DCX: variants seen among roughly 807,000 people sequenced by gnomAD.
The protein encoded by DCX is neuronal migration protein doublecortin.
DCX carries 4 observed loss-of-function variants against 20.9 expected under a neutral mutation model. The observed-to-expected ratio is 0.19, with a 90% confidence interval of 0.09 to 0.44. The LOEUF (loss-of-function observed/expected upper bound fraction) is 0.44, where lower values mean the gene tolerates loss of function less well. Ranked by LOEUF, DCX falls within the 20% of genes least tolerant of loss-of-function variation. The pLI, the probability that DCX is intolerant of heterozygous loss-of-function variation, is 0.99. For missense variants in DCX, 133 were observed against 296.9 expected (o/e 0.45, Z 4.06); for synonymous variants, 103 against 111.4 (o/e 0.92, Z 0.47).
In DCX at chrX:111,294,133, ACCAAAAAAGGAGAATG is replaced by A. The variant is rs2095014717; in HGVS notation, c.*7538_*7553del. The A allele has an allele frequency of 8.9e-6, 1 of 111,864 alleles. No individual in the cohort carries two copies. Among genetic ancestry groups the A allele is most frequent in the Admixed American group, 9.5e-5 (1 of 10,518 alleles). The allele number at this position is 111,864 out of a possible 1,213,427, so 9.2% of individuals were successfully genotyped here. On this transcript the variant is annotated 3_prime_UTR_variant, in exon 7 of 7. Coordinates refer to ENST00000636035, the MANE Select transcript of DCX (RefSeq NM_001195553.2). ...CTACCAGTCCAAGTGGGGTCAGCAAACCAAAAAAGGAGAATGCCTCTTGAAATACTGCTTTTGAATC... is the reference window on the plus strand; with the variant it reads ...CTACCAGTCCAAGTGGGGTCAGCAAACCTCTTGAAATACTGCTTTTGAATC...
At chrX:111,347,477 G>A (rs1922933280) in intron 3 of DCX, among the ~76,000 whole-genome samples, 1 of 111,092 alleles carries the variant, frequency 9.0e-6, no homozygotes, top group Non-Finnish European at 1.9e-5. Flanking sequence ...TGCCTTGTGG[G>A]GCTTAGCTAC....
At chrX:111,362,378 T>C (rs962186039) in intron 3 of DCX, among the ~76,000 whole-genome samples, 11 of 111,071 alleles carry the variant, frequency 9.9e-5, no homozygotes, top group African/African-American at 3.6e-4. Context: ...GGAGCAATTA[T>C]GATACAAGAA....
At chrX:111,380,313 G>T (rs1925870555) in intron 3 of DCX, among the ~76,000 whole-genome samples, 1 of 111,406 alleles carries the variant, frequency 9.0e-6, no homozygotes, top group Non-Finnish European at 1.9e-5. Context: ...GCTTACATTT[G>T]GGTCTTTGAT....
intron 3 of DCX, among the ~76,000 whole-genome samples, chrX:111,371,869 A>G (rs1234028836): frequency 1.8e-5 from 2 of 110,698 alleles, no homozygotes; most frequent in African/African-American, 3.3e-5. Flanking sequence ...GAGCTCAAAA[A>G]CTACTATGTA....
At chrX:111,345,227 T>C (rs1922697454) in intron 3 of DCX, among the ~76,000 whole-genome samples, 1 of 112,037 alleles carries the variant, frequency 8.9e-6, no homozygotes, top group African/African-American at 3.2e-5. Context: ...CCTTATATCT[T>C]ACACAAAAAT....
At position 111,362,933 on chromosome X, in the gene DCX, T is replaced by TA. The variant is rs201464776; in HGVS notation, c.706-29781dup. On this transcript the variant is annotated intron_variant, in intron 3 of 6. Coordinates refer to ENST00000636035, the MANE Select transcript of DCX (RefSeq NM_001195553.2). ...ATTCACTAATGAACAAAATAAAAGT[T>TA]AAAAAAAATAGATTTGGCTCCTGTT... Among the ~76,000 whole-genome samples the TA allele has an allele frequency of 3.8e-3, 420 of 111,086 alleles. 3 individuals are homozygous for TA. The highest frequency in any genetic ancestry group is 0.011 in the African/African-American group (351 of 30,564).
At position 111,299,989 on chromosome X, in the gene DCX, GCA is replaced by G. The variant is rs746889422; in HGVS notation, c.*1696_*1697del. 1.0e-4 allele frequency: 11 copies of G among 107,427 alleles called. No individual in the cohort carries two copies. The highest frequency in any genetic ancestry group is 2.9e-4 in the East Asian group (1 of 3,412). The allele number at this position is 107,427 out of a possible 1,213,427, so 8.9% of individuals were successfully genotyped here. A position where few individuals can be genotyped will look rare whatever the true frequency, so the allele number is the denominator to read the frequency against. On this transcript the variant is annotated 3_prime_UTR_variant, in exon 7 of 7. Coordinates refer to ENST00000636035, the MANE Select transcript of DCX (RefSeq NM_001195553.2). Reference sequence around the variant, plus strand: ...TCCTAATTTTGAAGCAGCTGCAGATGCACACACACACACACACATGCACCACC... The same window carrying G: ...TCCTAATTTTGAAGCAGCTGCAGATGCACACACACACACACATGCACCACC...
chrX:111,388,158 A>G (rs543856531), intron 3 of DCX, among the ~76,000 whole-genome samples: 1 of 111,876 alleles, frequency 8.9e-6, no homozygotes, highest in African/African-American at 3.2e-5. Context: ...GGATTTTCCT[A>G]ACCTCTTACA....
intron 2 of DCX, among the ~76,000 whole-genome samples, chrX:111,403,613 G>A (rs1221378490): frequency 1.8e-5 from 2 of 111,972 alleles, no homozygotes; most frequent in African/African-American, 6.5e-5. Context: ...TGTCAGTCAG[G>A]ATGGGGTCCC....
intron 5 of DCX, among the ~76,000 whole-genome samples, chrX:111,329,083 C>A (rs1197267599): frequency 8.9e-6 from 1 of 112,113 alleles, no homozygotes; most frequent in Non-Finnish European, 1.9e-5. Context: ...TATTGCCAGA[C>A]TTTATTAATC....
At chrX:111,389,194 C>T (rs1326247475) in intron 3 of DCX, among the ~76,000 whole-genome samples, 1 of 111,445 alleles carries the variant, frequency 9.0e-6, no homozygotes, top group Non-Finnish European at 1.9e-5. Context: ...ATTTACTATC[C>T]TAAATCTTTA....
intron 5 of DCX, among the ~76,000 whole-genome samples, chrX:111,329,851 G>A (rs1921050821): frequency 8.9e-6 from 1 of 112,028 alleles, no homozygotes; most frequent in African/African-American, 3.2e-5. Context: ...CCAAACTGAA[G>A]GGCCCTTTTG....
At chrX:111,410,761 G>A (rs1928645369) in intron 1 of DCX, 2 of 1,207,868 alleles carry the variant, frequency 1.7e-6, no homozygotes, top group Middle Eastern at 4.6e-4. Flanking sequence ...TACTGACAGT[G>A]GCTCCTATCA....
chrX:111,409,530 G>A (rs369305465), intron 2 of DCX, among the ~76,000 whole-genome samples: 2 of 111,750 alleles, frequency 1.8e-5, no homozygotes, highest in Non-Finnish European at 3.8e-5. Flanking sequence ...CAGCTGAGCC[G>A]CGACCACTTA....
At chrX:111,365,678 A>G (rs904944646) in intron 3 of DCX, among the ~76,000 whole-genome samples, 5 of 110,417 alleles carry the variant, frequency 4.5e-5, no homozygotes, top group African/African-American at 1.7e-4. Context: ...AAGGCAATAT[A>G]GTTATATTAG....
At chrX:111,383,091 G>C (rs1603421372) in intron 3 of DCX, among the ~76,000 whole-genome samples, 1 of 111,130 alleles carries the variant, frequency 9.0e-6, no homozygotes, top group South Asian at 3.8e-4. Flanking sequence ...TACAAGCTGA[G>C]TGTAAGCCAA....
chrX:111,383,421 G>A (rs1926134513), intron 3 of DCX, among the ~76,000 whole-genome samples: 3 of 111,777 alleles, frequency 2.7e-5, no homozygotes, highest in Admixed American at 9.5e-5. Context: ...GGAGACCTGG[G>A]AAATGAAAAA....
intron 2 of DCX, among the ~76,000 whole-genome samples, chrX:111,406,628 C>T (rs1482982298): frequency 8.9e-6 from 1 of 111,765 alleles, no homozygotes; most frequent in Non-Finnish European, 1.9e-5. Flanking sequence ...AAAGAAGTGC[C>T]AATACATGGA....
intron 2 of DCX, among the ~76,000 whole-genome samples, chrX:111,406,887 T>C (rs1405305437): frequency 3.6e-5 from 4 of 112,358 alleles, no homozygotes; most frequent in African/African-American, 1.3e-4. Context: ...CACCACTTGA[T>C]AAATCTTCTA....
Sources: allele counts gnomAD v4.1 joint callset (sites outside exome capture counted in the v4.1 genomes callset), GRCh38; gene constraint gnomAD v4.1.1; transcripts MANE v1.5; gene names NCBI Gene and HGNC (gene_info 2026-07-23, HGNC 2026-07-21).